The following TMTC2 variants were observed in gnomAD, a reference collection of about 807,000 sequenced individuals.
The protein encoded by TMTC2 is transmembrane O-mannosyltransferase targeting cadherins 2, also known as protein O-mannosyl-transferase TMTC2.
A neutral mutation model predicts 82.4 loss-of-function variants in TMTC2; 43 were observed. That is an observed-to-expected ratio of 0.52 (90% CI 0.41 to 0.67). TMTC2 has a LOEUF of 0.67. Among genes scored for constraint, TMTC2 ranks in the 30% least tolerant of loss-of-function variants. The pLI is 0.00. For missense variants in TMTC2, 919 were observed against 1,012.4 expected (o/e 0.91, Z 1.25); for synonymous variants, 408 against 381.9 (o/e 1.07, Z -0.80).
intron 1 of TMTC2, among the ~76,000 whole-genome samples, chr12:82,747,113 G>C (rs990431646): frequency 1.3e-5 from 2 of 152,198 alleles, no homozygotes; most frequent in Admixed American, 1.3e-4. Context: ...CAGTGAGTTT[G>C]TTTTGTCCTA....
chr12:82,784,880 C>CAT (rs1555185220), intron 1 of TMTC2, among the ~76,000 whole-genome samples: 1 of 151,606 alleles, frequency 6.6e-6, no homozygotes, highest in Non-Finnish European at 1.5e-5. Flanking sequence ...GCGTGTGTGT[C>CAT]TTTTTTTTGT....
chr12:82,994,262 T>C (rs1173178773), intron 8 of TMTC2, among the ~76,000 whole-genome samples: 1 of 152,176 alleles, frequency 6.6e-6, no homozygotes, highest in Non-Finnish European at 1.5e-5. Context: ...CAAGCAATTC[T>C]CGTGCCTCAG....
At chr12:82,917,873 T>C (rs1156883910) in intron 3 of TMTC2, among the ~76,000 whole-genome samples, 2 of 151,052 alleles carry the variant, frequency 1.3e-5, no homozygotes, top group African/African-American at 4.9e-5. Context: ...AGTGCTGGGA[T>C]TACAGGCGTG....
chr12:83,016,945 A>C (rs978275118), intron 8 of TMTC2, among the ~76,000 whole-genome samples: 4 of 152,218 alleles, frequency 2.6e-5, no homozygotes, highest in Non-Finnish European at 5.9e-5. Flanking sequence ...ATGCATAGTA[A>C]GCTGCTCTAT....
At chr12:82,821,939 C>G (rs1869142326) in intron 1 of TMTC2, among the ~76,000 whole-genome samples, 1 of 150,568 alleles carries the variant, frequency 6.6e-6, no homozygotes, top group Non-Finnish European at 1.5e-5. Flanking sequence ...GTATCTCTTG[C>G]AAGCTACTGT....
At chr12:82,895,583 TAAGAA>T (rs1416413998) in intron 2 of TMTC2, among the ~76,000 whole-genome samples, 3 of 152,072 alleles carry the variant, frequency 2.0e-5, no homozygotes, top group Admixed American at 6.6e-5. Context: ...GAGAAAAAAA[TAAGAA>T]AAGATAATCA....
intron 11 of TMTC2, among the ~76,000 whole-genome samples, chr12:83,078,396 T>A (rs2137500347): frequency 6.6e-6 from 1 of 152,320 alleles, no homozygotes; most frequent in South Asian, 2.1e-4. Flanking sequence ...ACAGCTGCTC[T>A]TTATTCCTTG....
intron 2 of TMTC2, among the ~76,000 whole-genome samples, chr12:82,885,170 T>A: frequency 6.6e-6 from 1 of 151,936 alleles, no homozygotes. Flanking sequence ...CCCAAAGTGC[T>A]GGGATTGCAG....
chr12:82,741,351 C>T (rs1442151846), intron 1 of TMTC2, among the ~76,000 whole-genome samples: 2 of 152,128 alleles, frequency 1.3e-5, no homozygotes, highest in Non-Finnish European at 1.5e-5. Flanking sequence ...TGCTCTGTTG[C>T]CCAGGCTGGA....
At chr12:82,736,940 C>T (rs984442860) in intron 1 of TMTC2, among the ~76,000 whole-genome samples, 2 of 151,944 alleles carry the variant, frequency 1.3e-5, no homozygotes, top group African/African-American at 4.8e-5. Flanking sequence ...TAACAAATGC[C>T]CTATTTGTAT....
chr12:82,766,002 C>A (rs1462226035), intron 1 of TMTC2, among the ~76,000 whole-genome samples: 1 of 152,132 alleles, frequency 6.6e-6, no homozygotes, highest in Non-Finnish European at 1.5e-5. Context: ...CGTGTATTGC[C>A]ATTTTAAGCC....
intron 11 of TMTC2, among the ~76,000 whole-genome samples, chr12:83,129,091 A>G (rs1419764525): frequency 6.6e-6 from 1 of 152,234 alleles, no homozygotes; most frequent in African/African-American, 2.4e-5. Flanking sequence ...TACATAATGC[A>G]CATTTGTAGG....
intron 1 of TMTC2, among the ~76,000 whole-genome samples, chr12:82,741,111 G>A (rs1421565978): frequency 6.6e-6 from 1 of 152,160 alleles, no homozygotes; most frequent in Non-Finnish European, 1.5e-5. Flanking sequence ...GCACTTCCCT[G>A]TGAGTCTGAC....
intron 9 of TMTC2, among the ~76,000 whole-genome samples, chr12:83,041,364 C>G (rs1164548973): frequency 6.6e-6 from 1 of 152,184 alleles, no homozygotes; most frequent in Non-Finnish European, 1.5e-5. Flanking sequence ...GCTGCACTCT[C>G]TGCTCCTCAG....
At chr12:83,067,115 A>G (rs1288758339) in intron 11 of TMTC2, among the ~76,000 whole-genome samples, 3 of 151,978 alleles carry the variant, frequency 2.0e-5, no homozygotes, top group Non-Finnish European at 4.4e-5. Flanking sequence ...CAAGACAGTG[A>G]CAGGGCATAG....
intron 1 of TMTC2, among the ~76,000 whole-genome samples, chr12:82,741,966 G>A (rs1247724574): frequency 2.0e-5 from 3 of 152,072 alleles, no homozygotes; most frequent in African/African-American, 4.8e-5. Context: ...AGGAAATCTG[G>A]ACACATCTCT....
intron 8 of TMTC2, chr12:82,986,364 C>A: frequency 4.5e-6 from 1 of 220,410 alleles, no homozygotes; most frequent in Non-Finnish European, 9.1e-6. Flanking sequence ...TCTCCTGTAT[C>A]CCATAAATAT....
At chr12:82,941,614 T>C (rs892203330) in intron 4 of TMTC2, among the ~76,000 whole-genome samples, 3 of 152,206 alleles carry the variant, frequency 2.0e-5, no homozygotes, top group Non-Finnish European at 4.4e-5. Flanking sequence ...ATTCTGAATG[T>C]TGATTGATTC....
intron 4 of TMTC2, among the ~76,000 whole-genome samples, chr12:82,936,376 AAC>A (rs576789976): frequency 6.6e-6 from 1 of 151,952 alleles, no homozygotes; most frequent in Non-Finnish European, 1.5e-5. Context: ...GACTAAATTT[AAC>A]ACACACACAC....
Sources: gnomAD v4.1 joint callset for allele counts (sites outside exome capture counted in the v4.1 genomes callset) on GRCh38, gnomAD v4.1.1 for gene constraint, MANE v1.5 for transcripts, NCBI Gene and HGNC (gene_info 2026-07-23, HGNC 2026-07-21) for gene names.